Variants in P3H2 observed in about 807,000 individuals in gnomAD.
P3H2 encodes the protein prolyl 3-hydroxylase 2.
A neutral mutation model predicts 87.0 loss-of-function variants in P3H2; 80 were observed. The observed-to-expected ratio is 0.92, with a 90% CI of 0.77 to 1.11. P3H2 has a LOEUF of 1.11. P3H2 is among the 50% of genes least tolerant of loss of function. The pLI, the probability that P3H2 is intolerant of heterozygous loss-of-function variation, is 0.00. For missense variants in P3H2, 1,001 were observed against 923.9 expected, an observed-to-expected ratio of 1.08 and a Z score of -1.08; for synonymous variants, 367 against 359.3, an observed-to-expected ratio of 1.02 and a Z score of -0.24.
chr3:190,120,712 G>C lies in P3H2; in HGVS notation c.20C>G (p.Ala7Gly). 6.6e-7 allele frequency: 1 copy of C among 1,520,344 alleles called. No homozygotes were observed. Among genetic ancestry groups the C allele is most frequent in the Non-Finnish European group, 8.8e-7 (1 of 1,141,270 alleles). The allele number at this position is 1,520,344 out of a possible 1,614,324, so 94.2% of individuals were successfully genotyped here. A position where few individuals can be genotyped will look rare whatever the true frequency, so the allele number is the denominator to read the frequency against. The stretch of plus-strand genomic sequence containing the variant: ...CGGCAGCAGCAGCAGCAGCGGCGGC[G>C]CCCAGATGCGCTCCCGCATCCTCCG... MRERIW[A>G]PPLLLLLPLL... Residue 7 changes from alanine to glycine, a missense_variant, in exon 1 of 15, where the codon GCG becomes GGG. Ala to Gly is a moderately conservative substitution (Grantham distance 60). Transcript: ENST00000319332.
At chr3:190,066,183 A>G (rs1726498360) in intron 1 of P3H2, among the ~76,000 whole-genome samples, 1 of 151,040 alleles carries the variant, frequency 6.6e-6, no homozygotes, top group Non-Finnish European at 1.5e-5. Context: ...ACACACATAT[A>G]TACACACATA....
At chr3:190,054,567 C>A (rs1226379187) in intron 1 of P3H2, among the ~76,000 whole-genome samples, 1 of 152,102 alleles carries the variant, frequency 6.6e-6, no homozygotes, top group Non-Finnish European at 1.5e-5. Flanking sequence ...GATTGGACCT[C>A]TACAGAGATG....
intron 1 of P3H2, among the ~76,000 whole-genome samples, chr3:189,995,799 A>T (rs1275641678): frequency 6.6e-6 from 1 of 152,124 alleles, no homozygotes; most frequent in Non-Finnish European, 1.5e-5. Flanking sequence ...TGGGCAAAAG[A>T]TCTGAAATGA....
chr3:190,080,452 G>C (rs1727006656), intron 1 of P3H2, among the ~76,000 whole-genome samples: 1 of 152,068 alleles, frequency 6.6e-6, no homozygotes, highest in Non-Finnish European at 1.5e-5. Flanking sequence ...GGCTGGTGGA[G>C]TGCAATGTCG....
intron 1 of P3H2, among the ~76,000 whole-genome samples, chr3:190,000,763 G>A (rs1724186046): frequency 6.6e-6 from 1 of 152,234 alleles, no homozygotes; most frequent in South Asian, 2.1e-4. Context: ...GGAGATTTTA[G>A]AAGTTAGAGA....
intron 14 of P3H2, among the ~76,000 whole-genome samples, chr3:189,962,938 G>T (rs1405872955): frequency 1.3e-5 from 2 of 152,218 alleles, no homozygotes; most frequent in African/African-American, 4.8e-5. Flanking sequence ...GGCTGGAGAA[G>T]ATTTGGAGGT....
In P3H2 at chr3:189,995,447, A is replaced by G; in HGVS notation, c.481-5T>C. The G allele has an allele frequency of 1.2e-6, 2 of 1,612,788 alleles. No homozygotes were observed. The highest frequency in any genetic ancestry group is 8.5e-7 in the Non-Finnish European group (1 of 1,179,844). The stretch of plus-strand genomic sequence containing the variant: ...TGCTTTTTCGAGCTGGTTAAGCTAA[A>G]GAGAAAAAAAAATGACCAAAATGAA... On this transcript the variant is annotated splice_polypyrimidine_tract_variant and splice_region_variant and intron_variant, in intron 1 of 14. Transcript: ENST00000319332.
At chr3:190,112,740 C>A (rs1306296918) in intron 1 of P3H2, among the ~76,000 whole-genome samples, 1 of 150,414 alleles carries the variant, frequency 6.6e-6, no homozygotes, top group African/African-American at 2.5e-5. Context: ...CTAAAACCAG[C>A]AAAACACACA....
chr3:190,036,362 T>A (rs1342267301), intron 1 of P3H2, among the ~76,000 whole-genome samples: 2 of 152,158 alleles, frequency 1.3e-5, no homozygotes, highest in African/African-American at 4.8e-5. Context: ...ACAACAGTAT[T>A]GAAAGCCCAT....
In P3H2 at chr3:189,992,460, CT is replaced by C. The variant is rs752725183; in HGVS notation, c.823+1633del. Among the ~76,000 whole-genome samples, 40 of 152,262 alleles carry C rather than the reference CT, an allele frequency of 2.6e-4. No homozygotes were observed. In the East Asian group the frequency reaches 6.2e-3, roughly 24 times the overall value. On this transcript the variant is annotated intron_variant, in intron 3 of 14. Coordinates refer to ENST00000319332, the MANE Select transcript of P3H2 (RefSeq NM_018192.4). Reference sequence around the variant, plus strand: ...GGGGAGAGCAAACTGATTTTATTCACTGGCATTTCAGTAAGTAAATGAAGTT... The same window carrying C: ...GGGGAGAGCAAACTGATTTTATTCACGGCATTTCAGTAAGTAAATGAAGTT...
intron 2 of P3H2, among the ~76,000 whole-genome samples, chr3:189,994,756 T>TAA (rs11417825): frequency 3.5e-5 from 5 of 141,962 alleles, no homozygotes; most frequent in East Asian, 2.0e-4. Context: ...TGTCAAAAAT[T>TAA]AAAAAAAAAA....
chr3:190,102,681 T>C (rs989177742), intron 1 of P3H2, among the ~76,000 whole-genome samples: 17 of 152,134 alleles, frequency 1.1e-4, no homozygotes, highest in African/African-American at 4.1e-4. Context: ...CAACAAAAGA[T>C]TGAGAATATT....
intron 1 of P3H2, among the ~76,000 whole-genome samples, chr3:190,013,022 T>G (rs558063997): frequency 1.3e-5 from 2 of 152,338 alleles, no homozygotes; most frequent in South Asian, 4.1e-4. Flanking sequence ...CAATAAGGAC[T>G]GTAAGAAAAG....
At chr3:190,017,950 T>C (rs1344299859) in intron 1 of P3H2, among the ~76,000 whole-genome samples, 1 of 152,198 alleles carries the variant, frequency 6.6e-6, no homozygotes, top group Non-Finnish European at 1.5e-5. Context: ...CTAGCCCAAG[T>C]ACAACAGATC....
intron 1 of P3H2, among the ~76,000 whole-genome samples, chr3:190,108,510 T>C (rs1711939609): frequency 6.6e-6 from 1 of 152,232 alleles, no homozygotes; most frequent in Non-Finnish European, 1.5e-5. Flanking sequence ...GGCCAATCTA[T>C]GCCCAGCCTG....
intron 1 of P3H2, among the ~76,000 whole-genome samples, chr3:190,003,509 A>C (rs537516546): frequency 6.8e-4 from 103 of 152,206 alleles, no homozygotes; most frequent in Non-Finnish European, 1.1e-3. Context: ...AAAAAAAAAA[A>C]AACTATCTAA....
chr3:190,047,519 A>G (rs1427340104), intron 1 of P3H2, among the ~76,000 whole-genome samples: 1 of 152,230 alleles, frequency 6.6e-6, no homozygotes, highest in Admixed American at 6.5e-5. Context: ...ACAGATATCT[A>G]AACATAAGAG....
intron 13 of P3H2, among the ~76,000 whole-genome samples, chr3:189,965,608 C>A (rs946362812): frequency 4.1e-4 from 62 of 152,314 alleles, no homozygotes; most frequent in Non-Finnish European, 4.4e-5. Flanking sequence ...CAATGTGATT[C>A]TGTTTTTCTG....
chr3:190,037,187 T>C (rs1267020388), intron 1 of P3H2, among the ~76,000 whole-genome samples: 1 of 152,190 alleles, frequency 6.6e-6, no homozygotes, highest in Non-Finnish European at 1.5e-5. Context: ...CTTGAGATCA[T>C]ATAGCTGGAA....
Sources: allele counts gnomAD v4.1 joint callset (sites outside exome capture counted in the v4.1 genomes callset), GRCh38; gene constraint gnomAD v4.1.1; transcripts MANE v1.5; gene names NCBI Gene and HGNC (gene_info 2026-07-23, HGNC 2026-07-21).